Variants in CDKAL1 observed in about 807,000 individuals in gnomAD.
The protein encoded by CDKAL1 is CDKAL1 threonylcarbamoyladenosine tRNA methylthiotransferase.
Under a neutral mutation model 68.2 loss-of-function variants are expected in CDKAL1, and 32 were observed. The observed-to-expected ratio is 0.47, with a 90% confidence interval of 0.35 to 0.63. The LOEUF (loss-of-function observed/expected upper bound fraction) is 0.63, where lower values mean the gene tolerates loss of function less well. Among genes scored for constraint, CDKAL1 ranks in the 30% least tolerant of loss-of-function variants. The pLI is 0.00. For missense variants in CDKAL1, 606 were observed against 696.7 expected (o/e 0.87, Z 1.47); for synonymous variants, 234 against 244.3 (o/e 0.96, Z 0.39).
chr6:20,686,667 T>C (rs1225789419), intron 5 of CDKAL1, among the ~76,000 whole-genome samples: 1 of 152,144 alleles, frequency 6.6e-6, no homozygotes, highest in African/African-American at 2.4e-5. Flanking sequence ...TGTGGAAAAA[T>C]TACCTTTCCC....
intron 8 of CDKAL1, among the ~76,000 whole-genome samples, chr6:20,789,429 G>C (rs1775808366): frequency 6.6e-6 from 1 of 152,174 alleles, no homozygotes; most frequent in Admixed American, 6.5e-5. Flanking sequence ...TGCTTTTAAA[G>C]AGAGCAGCTC....
intron 13 of CDKAL1, among the ~76,000 whole-genome samples, chr6:21,196,212 T>A (rs1215722596): frequency 6.6e-6 from 1 of 152,212 alleles, no homozygotes; most frequent in Non-Finnish European, 1.5e-5. Flanking sequence ...AACTTGATGT[T>A]AAATGAAGTG....
At chr6:21,087,445 T>C (rs1208112932) in intron 12 of CDKAL1, among the ~76,000 whole-genome samples, 1 of 152,172 alleles carries the variant, frequency 6.6e-6, no homozygotes, top group African/African-American at 2.4e-5. Flanking sequence ...TCCTCCAGCC[T>C]CAGCTTCCTG....
intron 13 of CDKAL1, among the ~76,000 whole-genome samples, chr6:21,196,649 T>G (rs2151103769): frequency 6.6e-6 from 1 of 152,294 alleles, no homozygotes; most frequent in South Asian, 2.1e-4. Flanking sequence ...GGTGGTCTAT[T>G]TAGTGCAGCT....
rs887012466 is a variant in CDKAL1 at position 20,692,637 on chromosome 6, C to T, written c.371+43260C>T. Among the ~76,000 whole-genome samples, 30 of 151,960 alleles carry T rather than the reference C, an allele frequency of 2.0e-4. 1 individual carries two copies. The highest frequency in any genetic ancestry group is 6.8e-4 in the African/African-American group (28 of 41,346). ...AAAGCTTGATGGTGGGGAATATCAG[C>T]TATGGAAAGTAACAGTAATTATCAG... On this transcript the variant is annotated intron_variant, in intron 5 of 15. Transcript: ENST00000274695.
chr6:20,781,223 T>C lies in CDKAL1; in HGVS notation c.596T>C (p.Ile199Thr). 1 of 1,613,602 alleles carries C rather than the reference T, an allele frequency of 6.2e-7. No individual in the cohort carries two copies. The highest frequency in any genetic ancestry group is 8.5e-7 in the Non-Finnish European group (1 of 1,179,658). ...GGAGCACGATTGGATTTGCCGAAGA[T>C]TAGGAAGAATCCACTGATAGAAATC... ...LGGARLDLPK[I>T]RKNPLIEIIS... is the part of the protein sequence containing the mutation. Residue 199 changes from isoleucine (I) to threonine (T), a missense_variant, in exon 8 of 16, where the codon ATT becomes ACT. Ile to Thr is a moderately conservative substitution (Grantham distance 89). Transcript: ENST00000274695.
intron 2 of CDKAL1, among the ~76,000 whole-genome samples, chr6:20,536,622 C>G (rs187989290): frequency 2.6e-5 from 4 of 152,140 alleles, no homozygotes; most frequent in South Asian, 2.1e-4. Flanking sequence ...ATCAAAATCA[C>G]CTAGAGGGCC....
chr6:21,162,211 A>G (rs1268164879), intron 13 of CDKAL1, among the ~76,000 whole-genome samples: 2 of 152,216 alleles, frequency 1.3e-5, no homozygotes, highest in African/African-American at 4.8e-5. Flanking sequence ...TATTGACTCA[A>G]GAAATCACTG....
chr6:20,618,777 C>T (rs9460534), intron 4 of CDKAL1, among the ~76,000 whole-genome samples: 29,535 of 151,896 alleles, frequency 0.19, 3,782 homozygotes, highest in African/African-American at 0.37. Flanking sequence ...TTCCCAGGCT[C>T]AGCTGATCCT....
At chr6:20,577,212 A>T (rs1581753673) in intron 4 of CDKAL1, among the ~76,000 whole-genome samples, 1 of 152,230 alleles carries the variant, frequency 6.6e-6, no homozygotes, top group East Asian at 1.9e-4. Context: ...CAGTATTAAC[A>T]CATTTTATTA....
At chr6:20,931,143 C>G (rs1763433497) in intron 9 of CDKAL1, among the ~76,000 whole-genome samples, 1 of 152,164 alleles carries the variant, frequency 6.6e-6, no homozygotes, top group African/African-American at 2.4e-5. Flanking sequence ...GAATTCTAAC[C>G]CAGACTGACT....
intron 12 of CDKAL1, among the ~76,000 whole-genome samples, chr6:21,088,433 G>A (rs1407839858): frequency 6.6e-6 from 1 of 152,160 alleles, no homozygotes; most frequent in East Asian, 1.9e-4. Context: ...TGGGTTTTCT[G>A]GAAGTGGAGG....
chr6:20,669,838 A>C (rs1341248135), intron 5 of CDKAL1, among the ~76,000 whole-genome samples: 3 of 152,196 alleles, frequency 2.0e-5, no homozygotes, highest in African/African-American at 7.2e-5. Flanking sequence ...CAATCTGGGC[A>C]CTAGATATGC....
chr6:21,129,771 A>G (rs968305226), intron 13 of CDKAL1, among the ~76,000 whole-genome samples: 2 of 151,630 alleles, frequency 1.3e-5, no homozygotes, highest in Non-Finnish European at 2.9e-5. Context: ...AGAGTATTTC[A>G]CACATACTAA....
intron 11 of CDKAL1, among the ~76,000 whole-genome samples, chr6:21,002,015 G>C (rs1767449883): frequency 6.6e-6 from 1 of 152,138 alleles, no homozygotes; most frequent in South Asian, 2.1e-4. Context: ...TCTTTATTTG[G>C]TTGAGGGCTG....
intron 9 of CDKAL1, among the ~76,000 whole-genome samples, chr6:20,869,675 T>G (rs1037810601): frequency 6.6e-6 from 1 of 152,190 alleles, no homozygotes; most frequent in African/African-American, 2.4e-5. Context: ...ACTTGCCAAA[T>G]TAATTTTATA....
At chr6:20,569,139 A>C (rs1341722886) in intron 4 of CDKAL1, among the ~76,000 whole-genome samples, 3 of 152,210 alleles carry the variant, frequency 2.0e-5, no homozygotes, top group Admixed American at 6.5e-5. Flanking sequence ...TTTTACTGTT[A>C]GATGTAAAAC....
chr6:20,818,241 C>G lies in CDKAL1; in HGVS notation c.639-27834C>G, dbSNP rs183970063. Among the ~76,000 whole-genome samples the G allele has an allele frequency of 4.5e-4, 69 of 152,232 alleles. No homozygotes were observed. In the East Asian group the frequency reaches 8.5e-3, roughly 19 times the overall value. ...CAAACTAGGGTTAGCAGTTTCTTCA[C>G]TTGAGGTATATTTCTGGATTGAATT... On this transcript the variant is annotated intron_variant, in intron 8 of 15. Coordinates refer to ENST00000274695, the MANE Select transcript of CDKAL1 (RefSeq NM_017774.3).
chr6:21,214,874 G>GATGAATGAATGAATGAATGA (rs58042681), intron 15 of CDKAL1, among the ~76,000 whole-genome samples: 2 of 149,670 alleles, frequency 1.3e-5, no homozygotes, highest in Non-Finnish European at 3.0e-5. Flanking sequence ...ACGTCTGTTG[G>GATGAATGAATGAATGAATGA]ATGAATGAAT....
Sources: gnomAD v4.1 joint callset for allele counts (sites outside exome capture counted in the v4.1 genomes callset) on GRCh38, gnomAD v4.1.1 for gene constraint, MANE v1.5 for transcripts, NCBI Gene and HGNC (gene_info 2026-07-23, HGNC 2026-07-21) for gene names.